BLTP3A: variants seen among roughly 807,000 people sequenced by gnomAD.
BLTP3A encodes bridge-like lipid transfer protein family member 3A.
the BLTP3A span, among the ~76,000 whole-genome samples, chr6:34,818,634 T>G: frequency 6.6e-6 from 1 of 152,236 alleles, no homozygotes; most frequent in African/African-American, 2.4e-5. Flanking sequence ...ACCTCTCAAC[T>G]TGAGAAATAA....
the BLTP3A span, among the ~76,000 whole-genome samples, chr6:34,792,884 C>T: frequency 6.6e-6 from 1 of 152,234 alleles, no homozygotes; most frequent in South Asian, 2.1e-4. Context: ...CTCCCACCTC[C>T]TCCTCTTCTG....
At chr6:34,803,963 G>C in the BLTP3A span, among the ~76,000 whole-genome samples, 1 of 151,942 alleles carries the variant, frequency 6.6e-6, no homozygotes, top group African/African-American at 2.4e-5. Context: ...TGAAAGAAGG[G>C]GCTGCAGTTG....
chr6:34,831,067 G>T, the BLTP3A span, among the ~76,000 whole-genome samples: 1 of 151,414 alleles, frequency 6.6e-6, no homozygotes, highest in African/African-American at 2.4e-5. Context: ...TACTTGGTTA[G>T]ATAAATGTAC....
chr6:34,859,215 A>G, the BLTP3A span: 2 of 1,614,062 alleles, frequency 1.2e-6, no homozygotes, highest in Non-Finnish European at 1.7e-6. Context: ...GCAATGGAGA[A>G]CTGCAGGACT....
chr6:34,871,756 C>A, the BLTP3A span: 39 of 1,611,126 alleles, frequency 2.4e-5, no homozygotes, highest in Non-Finnish European at 3.3e-5. Flanking sequence ...ATAGGTGACA[C>A]CTAGGAACTG....
At chr6:34,871,095 G>C in the BLTP3A span, 1 of 1,613,906 alleles carries the variant, frequency 6.2e-7, no homozygotes, top group Non-Finnish European at 8.5e-7. Flanking sequence ...TTGAGCTTCT[G>C]AACTCCAGCA....
the BLTP3A span, among the ~76,000 whole-genome samples, chr6:34,868,228 C>G: frequency 6.6e-6 from 1 of 151,628 alleles, no homozygotes; most frequent in Non-Finnish European, 1.5e-5. Context: ...ATTGCTTGAA[C>G]CCAGGAGGTG....
the BLTP3A span, chr6:34,856,536 CTTTT>C: frequency 7.7e-7 from 1 of 1,306,528 alleles, no homozygotes. Context: ...ACATCAGTGA[CTTTT>C]TTCTTTACAG....
the BLTP3A span, chr6:34,856,492 C>T: frequency 6.7e-7 from 1 of 1,503,638 alleles, no homozygotes; most frequent in African/African-American, 1.4e-5. Flanking sequence ...AAAGCAAGAA[C>T]TAGCTAATTA....
chr6:34,811,860 A>G, the BLTP3A span, among the ~76,000 whole-genome samples: 3 of 151,896 alleles, frequency 2.0e-5, no homozygotes, highest in Non-Finnish European at 4.4e-5. Context: ...TCGTCTCAAA[A>G]ACAAATGAAC....
the BLTP3A span, chr6:34,867,600 G>A: frequency 6.2e-7 from 1 of 1,613,036 alleles, no homozygotes. Context: ...GGCAGTTCCT[G>A]CATGGACAGT....
the BLTP3A span, chr6:34,792,313 G>A: frequency 1.3e-6 from 2 of 1,538,482 alleles, no homozygotes; most frequent in Non-Finnish European, 1.8e-6. Context: ...GCCAGCGCCG[G>A]CCCCCGGCGG....
At chr6:34,847,240 T>C in the BLTP3A span, among the ~76,000 whole-genome samples, 1 of 151,994 alleles carries the variant, frequency 6.6e-6, no homozygotes, top group Non-Finnish European at 1.5e-5. Context: ...TTTCTTTTTT[T>C]TTTTCCAAGA....
At chr6:34,829,708 C>T in the BLTP3A span, among the ~76,000 whole-genome samples, 3 of 152,052 alleles carry the variant, frequency 2.0e-5, no homozygotes, top group Non-Finnish European at 4.4e-5. Flanking sequence ...GATCTCAGCT[C>T]ACTGCAACCT....
chr6:34,824,849 T>G, the BLTP3A span, among the ~76,000 whole-genome samples: 1 of 151,832 alleles, frequency 6.6e-6, no homozygotes, highest in African/African-American at 2.4e-5. Flanking sequence ...TTTTGTATTT[T>G]TAATAGAGAT....
the BLTP3A span, among the ~76,000 whole-genome samples, chr6:34,870,267 A>G: frequency 6.6e-6 from 1 of 152,200 alleles, no homozygotes; most frequent in Admixed American, 6.5e-5. Context: ...TTCTGACAAT[A>G]TAATTTCTAG....
chr6:34,858,914 C>T, the BLTP3A span: 1 of 1,614,148 alleles, frequency 6.2e-7, no homozygotes, highest in Non-Finnish European at 8.5e-7. Context: ...GAGCAGCTGA[C>T]TAAGGATACA....
the BLTP3A span, among the ~76,000 whole-genome samples, chr6:34,812,616 A>G: frequency 6.6e-6 from 1 of 151,308 alleles, no homozygotes; most frequent in East Asian, 1.9e-4. Context: ...GGCATGAGCC[A>G]CTGCATCCAG....
the BLTP3A span, among the ~76,000 whole-genome samples, chr6:34,847,773 T>C: frequency 4.0e-5 from 6 of 151,378 alleles, no homozygotes; most frequent in African/African-American, 1.2e-4. Flanking sequence ...TGTTTTTTTT[T>C]CAATTTCATT....
Sources: allele counts gnomAD v4.1 joint callset (sites outside exome capture counted in the v4.1 genomes callset), GRCh38; gene constraint gnomAD v4.1.1; transcripts MANE v1.5; gene names NCBI Gene and HGNC (gene_info 2026-07-23, HGNC 2026-07-21).